PARP1: variants seen among roughly 807,000 people sequenced by gnomAD.
PARP1 encodes the protein poly(ADP-ribose) polymerase 1.
PARP1 carries 44 observed loss-of-function variants against 118.7 expected under a neutral mutation model. That is an observed-to-expected ratio of 0.37 (90% CI 0.29 to 0.48). The LOEUF (loss-of-function observed/expected upper bound fraction) is 0.48, where lower values mean the gene tolerates loss of function less well. PARP1 is among the 20% of genes least tolerant of loss of function. PARP1 has a pLI of 0.99. For missense variants in PARP1, 1,100 were observed against 1,272.4 expected (o/e 0.86, Z 2.06); for synonymous variants, 492 against 483.2 (o/e 1.02, Z -0.24).
In PARP1 at chr1:226,377,203, T is replaced by C. The variant is rs1331560342; in HGVS notation, c.1846A>G (p.Lys616Glu). 6.2e-7 allele frequency: 1 copy of C among 1,614,078 alleles called. No homozygotes were observed. The highest frequency in any genetic ancestry group is 1.1e-5 in the South Asian group (1 of 91,076). The change falls in exon 13 of 23, where the codon AAA becomes GAA. Residue 616 changes from lysine (K) to glutamate (E), a missense_variant. This residue lies in a region of PARP1 where 948 missense variants were observed against 1,031.8 expected (regional missense o/e 0.92). Transcript: ENST00000366794. ...SKEDAIEHFM[K>E]LYEEKTGNAW... is the part of the protein sequence containing the mutation. ...TTCCCGGTTTTTTCTTCATATAATT[T>C]CATGAAGTGCTCAATGGCATCCTCC...
intron 20 of PARP1, 133 bp downstream of exon 20, chr1:226,363,810 A>T: frequency 3.2e-6 from 3 of 934,988 alleles, no homozygotes; most frequent in Non-Finnish European, 5.2e-6. Flanking sequence ...ACTTATAAGA[A>T]AAGAATCCTA....
intron 2 of PARP1, among the ~76,000 whole-genome samples, chr1:226,398,521 C>A (rs1363552467): frequency 1.8e-5 from 2 of 111,714 alleles, no homozygotes; most frequent in Non-Finnish European, 1.7e-5. Context: ...CGGAGCAAGA[C>A]AGTCTTAAAA....
intron 2 of PARP1, chr1:226,392,707 A>G (rs1664842936): frequency 5.5e-6 from 3 of 547,330 alleles, no homozygotes; most frequent in Non-Finnish European, 9.5e-6. Context: ...TCTATTTACC[A>G]AAGTGTTGAA....
intron 2 of PARP1, among the ~76,000 whole-genome samples, chr1:226,393,254 CTT>C (rs985163520): frequency 1.1e-4 from 16 of 152,118 alleles, no homozygotes; most frequent in African/African-American, 3.9e-4. Flanking sequence ...ACATAAAACA[CTT>C]AGATAAATTT....
chr1:226,368,410 C>G (rs918240253), intron 15 of PARP1, 89 bp from the exon 16 acceptor site: 49 of 1,550,166 alleles, frequency 3.2e-5, no homozygotes, highest in Admixed American at 3.0e-4. Flanking sequence ...GTGGGTGCTG[C>G]AGCAGGTCCA....
At chr1:226,372,630 G>A (rs958494433) in intron 14 of PARP1, among the ~76,000 whole-genome samples, 2 of 152,186 alleles carry the variant, frequency 1.3e-5, no homozygotes, top group Non-Finnish European at 2.9e-5. Context: ...AGCCGAGATC[G>A]TGCATTGCAC....
intron 7 of PARP1, among the ~76,000 whole-genome samples, chr1:226,383,940 T>A (rs1018208822): frequency 6.6e-6 from 1 of 152,224 alleles, no homozygotes; most frequent in African/African-American, 2.4e-5. Flanking sequence ...CCACCTAATA[T>A]GTGCTACCAA....
At chr1:226,366,218 C>T (rs986069236) in intron 17 of PARP1, 166 bp from the exon 18 acceptor site, 1 of 650,372 alleles carries the variant, frequency 1.5e-6, no homozygotes, top group Non-Finnish European at 2.8e-6. Context: ...AGATCCTGGG[C>T]CAGTGGCTCC....
Position 226,397,946 on chromosome 1 carries a change from T to C in PARP1, c.286+4268A>G, listed in dbSNP as rs139000881. On this transcript the variant is annotated intron_variant, in intron 2 of 22. Coordinates refer to ENST00000366794, the MANE Select transcript of PARP1 (RefSeq NM_001618.4). ...TTTCAACAAACGGAGCTGTAACAACTGGACATCCACATGCGAAAAAAAAAA... is the reference window on the plus strand; with the variant it reads ...TTTCAACAAACGGAGCTGTAACAACCGGACATCCACATGCGAAAAAAAAAA... 6.5e-3 allele frequency among the ~76,000 whole-genome samples: 968 copies of C among 148,898 alleles called. 14 individuals are homozygous for C. Among genetic ancestry groups the C allele is most frequent in the African/African-American group, 0.023 (920 of 40,312 alleles).
At chr1:226,364,352 C>A (rs975188155) in intron 19 of PARP1, 1 of 405,320 alleles carries the variant, frequency 2.5e-6, no homozygotes, top group Non-Finnish European at 4.7e-6. Flanking sequence ...CATGGAGCTG[C>A]CATGAGGACG....
chr1:226,375,670 T>C (rs768550190), intron 13 of PARP1, among the ~76,000 whole-genome samples: 4 of 152,232 alleles, frequency 2.6e-5, no homozygotes, highest in Non-Finnish European at 4.4e-5. Flanking sequence ...GTGTTGAAAT[T>C]AGAATATTTT....
rs376466723 is a variant in PARP1, at chr1:226,361,469, G to T, written c.3036C>A (p.Ser1012=). 4.0e-5 allele frequency: 65 copies of T among 1,609,026 alleles called. No individual in the cohort carries two copies. The highest frequency in any genetic ancestry group is 5.3e-5 in the Non-Finnish European group (62 of 1,175,570). The change falls in exon 23 of 23, where the codon TCC becomes TCA. Residue 1012 remains serine, a synonymous_variant. Coordinates refer to ENST00000366794, the MANE Select transcript of PARP1 (RefSeq NM_001618.4). ...CGGCTACCTCTCCCAATTACCACAG[G>T]GAGGTCTTAAAATTGAATTTCAGTT... ...LLKLKFNFKT[S]LW
At chr1:226,372,888 G>A (rs1664414953) in intron 14 of PARP1, among the ~76,000 whole-genome samples, 1 of 151,996 alleles carries the variant, frequency 6.6e-6, no homozygotes, top group Non-Finnish European at 1.5e-5. Flanking sequence ...CTCCACCTCC[G>A]TCCCTCATTC....
Position 226,406,485 on chromosome 1 carries a change from T to C in PARP1, c.120+1325A>G, listed in dbSNP as rs191911994. Among the ~76,000 whole-genome samples the C allele has an allele frequency of 5.3e-5, 8 of 152,330 alleles. No individual in the cohort carries two copies. The South Asian group carries it at 8.3e-4, about 16-fold the overall frequency. On this transcript the variant is annotated intron_variant, in intron 1 of 22. Transcript: ENST00000366794. ...TTCTCATCTTTCTGCTCCACTTCTG[T>C]GAATTAACGACTCCTAATCAAGCTT...
chr1:226,402,178 G>C (rs748383275), intron 2 of PARP1, 36 bp downstream of exon 2: 2 of 1,614,148 alleles, frequency 1.2e-6, no homozygotes, highest in Non-Finnish European at 8.5e-7. Context: ...TTCAGGGTGG[G>C]GGCTGAATGC....
At chr1:226,407,737 C>T (rs943366075) in intron 1 of PARP1, 73 bp downstream of exon 1, 35 of 1,502,368 alleles carry the variant, frequency 2.3e-5, no homozygotes, top group Non-Finnish European at 2.9e-5. Context: ...GGCCCGCCCT[C>T]CCCCAGCCTT....
chr1:226,387,277 AC>A lies in PARP1; in HGVS notation c.718-836del, dbSNP rs539502895. Among the ~76,000 whole-genome samples the A allele has an allele frequency of 1.6e-4, 24 of 152,236 alleles. No individual in the cohort carries two copies. The East Asian group carries it at 4.1e-3, about 26-fold the overall frequency. ...GGATTACAGGTGCTCAAGCCACTGCACCCGGCCTCATCTCATTTATTCTCAT... is the reference window on the plus strand; with the variant it reads ...GGATTACAGGTGCTCAAGCCACTGCACCGGCCTCATCTCATTTATTCTCAT... On this transcript the variant is annotated intron_variant, in intron 5 of 22. Coordinates refer to ENST00000366794, the MANE Select transcript of PARP1 (RefSeq NM_001618.4).
rs1374670747 is a variant in PARP1 at position 226,376,553 on chromosome 1, A to G, written c.1941+555T>C. The stretch of plus-strand genomic sequence containing the variant: ...CTGAATTACGTCCTATTGTTTCAGG[A>G]GTAACTGAAAAGACTGTTCCTCCTC... On this transcript the variant is annotated intron_variant, in intron 13 of 22. Coordinates refer to ENST00000366794, the MANE Select transcript of PARP1 (RefSeq NM_001618.4). 2.0e-5 allele frequency among the ~76,000 whole-genome samples: 3 copies of G among 152,232 alleles called. No homozygotes were observed. The East Asian group carries it at 5.8e-4, about 29-fold the overall frequency.
intron 15 of PARP1, 87 bp from the exon 16 acceptor site, chr1:226,368,408 T>G (rs143879404): frequency 1.5e-5 from 23 of 1,566,732 alleles, no homozygotes; most frequent in Non-Finnish European, 4.4e-6. Flanking sequence ...AGGTGGGTGC[T>G]GCAGCAGGTC....
Sources: gnomAD v4.1 joint callset for allele counts (sites outside exome capture counted in the v4.1 genomes callset) on GRCh38, gnomAD v4.1.1 for gene constraint, gnomAD v4.1.1 regional missense constraint, MANE v1.5 for transcripts, NCBI Gene and HGNC (gene_info 2026-07-23, HGNC 2026-07-21) for gene names.